The following MTMR3 variants were observed in gnomAD, a reference collection of about 807,000 sequenced individuals.
The protein encoded by MTMR3 is phosphatidylinositol-3,5-bisphosphate 3-phosphatase MTMR3.
A neutral mutation model predicts 132.4 loss-of-function variants in MTMR3; 32 were observed. That is an observed-to-expected ratio of 0.24 (90% confidence interval 0.18 to 0.32). The LOEUF (loss-of-function observed/expected upper bound fraction) is 0.32, where lower values mean the gene tolerates loss of function less well. MTMR3 is among the 10% of genes least tolerant of loss of function. MTMR3 has a pLI of 1.00. For synonymous variants in MTMR3, 556 were observed against 550.3 expected, an observed-to-expected ratio of 1.01 and a Z score of -0.14; for missense variants, 1,216 against 1,489.6, an observed-to-expected ratio of 0.82 and a Z score of 3.02.
At chr22:29,998,572 G>A (rs921062467) in intron 7 of MTMR3, 189 bp from the exon 8 acceptor site, 2 of 272,810 alleles carry the variant, frequency 7.3e-6, no homozygotes, top group Non-Finnish European at 6.8e-6. Flanking sequence ...GAACCTGGGA[G>A]GCGGAAGTTT....
At chr22:29,911,396 A>T (rs1398054709) in intron 1 of MTMR3, among the ~76,000 whole-genome samples, 1 of 152,100 alleles carries the variant, frequency 6.6e-6, no homozygotes, top group Admixed American at 6.6e-5. Context: ...TAAAAAAATT[A>T]GCCAGGTGTG....
rs1172301886 is a variant in MTMR3, at chr22:30,030,159, A to G, written c.*4358A>G. ...AAGGGCGTCTTCTGAAATGGGAGTTACCAGGTTTTTAAATGCTGCTATTGT... is the reference window on the plus strand; with the variant it reads ...AAGGGCGTCTTCTGAAATGGGAGTTGCCAGGTTTTTAAATGCTGCTATTGT... On this transcript the variant is annotated 3_prime_UTR_variant, in exon 20 of 20. Transcript: ENST00000401950. The G allele has an allele frequency of 6.6e-6, 1 of 152,282 alleles. No individual in the cohort carries two copies. Among genetic ancestry groups the G allele is most frequent in the African/African-American group, 2.4e-5 (1 of 41,440 alleles). 9.4% of individuals were successfully genotyped at this position (152,282 alleles called of 1,614,324 possible). A position where few individuals can be genotyped will look rare whatever the true frequency, so the allele number is the denominator to read the frequency against.
At chr22:29,974,969 T>C (rs2066602447) in intron 3 of MTMR3, among the ~76,000 whole-genome samples, 2 of 152,222 alleles carry the variant, frequency 1.3e-5, no homozygotes, top group African/African-American at 4.8e-5. Context: ...CATCTTTCAT[T>C]TGGTCTCTTT....
At chr22:29,962,910 C>CTTTTTTTTTTT (rs892383539) in intron 2 of MTMR3, among the ~76,000 whole-genome samples, 1 of 133,622 alleles carries the variant, frequency 7.5e-6, no homozygotes, top group Non-Finnish European at 1.6e-5. Flanking sequence ...TCTCTTTTTT[C>CTTTTTTTTTTT]TTTTTTTTTT....
In MTMR3 at chr22:29,997,251, CA is replaced by C. The variant is rs11313478; in HGVS notation, c.461-1508del. The C allele has an allele frequency of 4.5e-3, 681 of 152,278 alleles. 6 individuals are homozygous for C. The highest frequency in any genetic ancestry group is 0.015 in the African/African-American group (643 of 41,540). 9.4% of individuals were successfully genotyped at this position (152,278 alleles called of 1,614,324 possible). ...AAATGTATAATACCTAGCTTGAGCT[CA>C]AGAAAAGCAGTTTAAATGGGAAGTA... On this transcript the variant is annotated intron_variant, in intron 7 of 19. Coordinates refer to ENST00000401950, the MANE Select transcript of MTMR3 (RefSeq NM_021090.4).
chr22:29,934,197 A>T (rs1045523766), intron 1 of MTMR3, among the ~76,000 whole-genome samples: 1 of 152,152 alleles, frequency 6.6e-6, no homozygotes, highest in Non-Finnish European at 1.5e-5. Context: ...TACTAAAAAT[A>T]CAAAAAATTA....
chr22:29,986,602 A>T (rs968974860), intron 5 of MTMR3: 1 of 983,282 alleles, frequency 1.0e-6, no homozygotes, highest in African/African-American at 1.7e-5. Context: ...CGTAAATAAA[A>T]ACAGAAGGCC....
Position 30,020,783 on chromosome 22 carries a change from G to T in MTMR3, c.3124G>T (p.Val1042Leu). 3 of 1,614,126 alleles carry T rather than the reference G, an allele frequency of 1.9e-6. No homozygotes were observed. Among genetic ancestry groups the T allele is most frequent in the Non-Finnish European group, 2.5e-6 (3 of 1,179,970 alleles). ...RQIESGHQQEVETLKKQVQEL... is the reference protein window; with the variant it reads ...RQIESGHQQELETLKKQVQEL... ...GATTGAGTCAGGCCACCAGCAGGAA[G>T]TAGAAACTTTGAAGAAACAAGTCCA... Residue 1042 changes from valine to leucine, a missense_variant, in exon 17 of 20, where the codon GTA becomes TTA. Physicochemically the swap from Val to Leu is conservative, Grantham distance 32 (BLOSUM62 1). Around this residue, in one of 7 missense-constraint regions of MTMR3, gnomAD observed 852 missense variants for 852.0 expected, o/e 1.00. Coordinates refer to ENST00000401950, the MANE Select transcript of MTMR3 (RefSeq NM_021090.4).
At chr22:29,916,449 T>C (rs1207011845) in intron 1 of MTMR3, among the ~76,000 whole-genome samples, 1 of 152,220 alleles carries the variant, frequency 6.6e-6, no homozygotes, top group African/African-American at 2.4e-5. Context: ...CCACCCTCCC[T>C]AGATTCTCAG....
At chr22:29,939,950 C>T (rs544358624) in intron 1 of MTMR3, among the ~76,000 whole-genome samples, 1 of 152,310 alleles carries the variant, frequency 6.6e-6, no homozygotes, top group African/African-American at 2.4e-5. Flanking sequence ...ACACCCTCCC[C>T]GCCCTTGCGA....
chr22:29,929,484 C>T (rs977783227), intron 1 of MTMR3, among the ~76,000 whole-genome samples: 1 of 150,162 alleles, frequency 6.7e-6, no homozygotes, highest in African/African-American at 2.4e-5. Context: ...TTTTTTTGGT[C>T]TGTTTTTCAG....
Position 30,020,254 on chromosome 22 carries a change from A to G in MTMR3, c.2595A>G (p.Arg865=). The change falls in exon 17 of 20, where the codon AGA becomes AGG. Residue 865 remains arginine (R), a synonymous_variant. Transcript: ENST00000401950. The part of the protein sequence containing the change: ...KSVSGPQGHH[R]SCLVNSGKDR... ...TAAGTGGGCCCCAAGGTCATCATAG[A>G]TCTTGCCTTGTAAATAGTGGCAAGG... The G allele has an allele frequency of 6.2e-7, 1 of 1,614,218 alleles. No homozygotes were observed. Among genetic ancestry groups the G allele is most frequent in the Non-Finnish European group, 8.5e-7 (1 of 1,180,042 alleles).
In MTMR3 at chr22:30,019,921, G is replaced by A; in HGVS notation, c.2262G>A (p.Leu754=). 1 of 1,614,196 alleles carries A rather than the reference G, an allele frequency of 6.2e-7. No homozygotes were observed. Among genetic ancestry groups the A allele is most frequent in the Non-Finnish European group, 8.5e-7 (1 of 1,180,020 alleles). ...GTGATGCTGCTCTGAGGAGCCATCT[G>A]GATATGAGCTGGCCTCTGTTCTCAC... The part of the protein sequence containing the change: ...ELGDAALRSH[L]DMSWPLFSQG... Residue 754 remains leucine (L), a synonymous_variant, in exon 17 of 20, where the codon CTG becomes CTA. Coordinates refer to ENST00000401950, the MANE Select transcript of MTMR3 (RefSeq NM_021090.4).
chr22:29,924,903 G>C (rs7291367), intron 1 of MTMR3, among the ~76,000 whole-genome samples: 1 of 152,166 alleles, frequency 6.6e-6, no homozygotes, highest in South Asian at 2.1e-4. Flanking sequence ...ACCAAGAATA[G>C]AATTGCTAGA....
At position 30,027,119 on chromosome 22, in the gene MTMR3, G is replaced by A. The variant is rs2067925720; in HGVS notation, c.*1318G>A. On this transcript the variant is annotated 3_prime_UTR_variant, in exon 20 of 20. Transcript: ENST00000401950. ...GGAGGTAGGTGTGGGGAAGGTTGGA[G>A]AAGAGTTAGGTTTGTGCTTTGTAAT... is the stretch of plus-strand genomic sequence containing the variant. 6.5e-6 allele frequency: 1 copy of A among 152,824 alleles called. No homozygotes were observed. 9.5% of individuals were successfully genotyped at this position (152,824 alleles called of 1,614,324 possible).
In MTMR3 at chr22:30,019,445, A is replaced by C; in HGVS notation, c.1821-35A>C. On this transcript the variant is annotated intron_variant, in intron 16 of 19. Transcript: ENST00000401950. ...CTCCTACTTCCTCCAAACAGTTTCC[A>C]AGATTTTCATTTCCCCCAAATTCCT... 4.5e-6 allele frequency: 7 copies of C among 1,561,816 alleles called. No homozygotes were observed. In the South Asian group the frequency reaches 4.6e-5, roughly 10 times the overall value.
intron 14 of MTMR3, chr22:30,015,992 C>G (rs767704891): frequency 6.5e-5 from 10 of 153,676 alleles, no homozygotes; most frequent in South Asian, 6.1e-4. Context: ...CCATCCTGCA[C>G]TGCCTCATAT....
chr22:30,013,396 G>C lies in MTMR3; in HGVS notation c.1358G>C (p.Gly453Ala), dbSNP rs775343862. 6.2e-7 allele frequency: 1 copy of C among 1,614,020 alleles called. No individual in the cohort carries two copies. The highest frequency in any genetic ancestry group is 1.7e-5 in the Admixed American group (1 of 60,020). The change falls in exon 14 of 20, where the codon GGC becomes GCC. Residue 453 changes from glycine to alanine, a missense_variant. Physicochemically the swap from Gly to Ala is moderately conservative, Grantham distance 60. Around this residue, in one of 7 missense-constraint regions of MTMR3, gnomAD observed 106 missense variants for 209.5 expected, o/e 0.51. Coordinates refer to ENST00000401950, the MANE Select transcript of MTMR3 (RefSeq NM_021090.4). ...VLVEMEWLDFGHKFADRCGHG... is the reference protein window; with the variant it reads ...VLVEMEWLDFAHKFADRCGHG... ...GTGGAAATGGAGTGGCTGGATTTTGGCCATAAATTTGCTGACCGGTGTGGT... is the reference window on the plus strand; with the variant it reads ...GTGGAAATGGAGTGGCTGGATTTTGCCCATAAATTTGCTGACCGGTGTGGT...
chr22:29,956,487 TC>T (rs935126109), intron 1 of MTMR3, among the ~76,000 whole-genome samples: 25 of 152,300 alleles, frequency 1.6e-4, no homozygotes, highest in African/African-American at 6.0e-4. Flanking sequence ...CCTCAAGTGA[TC>T]CGCCTGCCTT....
Sources: allele counts gnomAD v4.1 joint callset (sites outside exome capture counted in the v4.1 genomes callset), GRCh38; gene constraint gnomAD v4.1.1; regional missense constraint gnomAD v4.1.1; transcripts MANE v1.5; gene names NCBI Gene and HGNC (gene_info 2026-07-23, HGNC 2026-07-21).